GLIS1: variants seen among roughly 807,000 people sequenced by gnomAD.
The protein encoded by GLIS1 is zinc finger protein GLIS1.
GLIS1 carries 24 observed loss-of-function variants against 63.8 expected under a neutral mutation model. That is an observed-to-expected ratio of 0.38 (90% CI 0.27 to 0.53). The LOEUF (loss-of-function observed/expected upper bound fraction) is 0.53. Ranked by LOEUF, GLIS1 falls within the 20% of genes least tolerant of loss-of-function variation. GLIS1 has a pLI of 0.85. For missense variants in GLIS1, 1,036 were observed against 1,074.1 expected, an observed-to-expected ratio of 0.96 and a Z score of 0.50; for synonymous variants, 450 against 482.5, an observed-to-expected ratio of 0.93 and a Z score of 0.88.
At chr1:53,677,988 G>A (rs1002570044) in intron 2 of GLIS1, among the ~76,000 whole-genome samples, 2 of 152,162 alleles carry the variant, frequency 1.3e-5, no homozygotes, top group African/African-American at 4.8e-5. Context: ...ATACACCTGA[G>A]GTCCCCACCA....
chr1:53,527,151 C>T lies in GLIS1; in HGVS notation c.1483-2264G>A, dbSNP rs367742321. Among the ~76,000 whole-genome samples the T allele has an allele frequency of 3.0e-4, 46 of 152,372 alleles. No homozygotes were observed. The East Asian group carries it at 4.2e-3, about 14-fold the overall frequency. On this transcript the variant is annotated intron_variant, in intron 5 of 10. Coordinates refer to ENST00000628545, the MANE Select transcript of GLIS1 (RefSeq NM_001367484.1). Reference sequence around the variant, plus strand: ...CTACATTTTGCCCAAGATCCCACAGCGGGGAGAGGGAGGGAGCGTGTGCAG... The same window carrying T: ...CTACATTTTGCCCAAGATCCCACAGTGGGGAGAGGGAGGGAGCGTGTGCAG...
In GLIS1 at chr1:53,514,728, G is replaced by A. The variant is rs772958990; in HGVS notation, c.1780C>T (p.Pro594Ser). The A allele has an allele frequency of 8.1e-6, 13 of 1,612,290 alleles. No individual in the cohort carries two copies. The African/African-American group carries it at 1.5e-4, about 18-fold the overall frequency. The part of the protein sequence containing the change: ...PHNGLASGLL[P>S]PAHDVPSRHH... ...CTGGAAGGTACGTCGTGCGCTGGGG[G>A]CAGGAGGCCCGATGCAAGTCCGTTA... The change falls in exon 8 of 11, where the codon CCC (proline) becomes TCC (serine). Residue 594 changes from proline to serine, a missense_variant. Physicochemically the swap from Pro to Ser is moderately conservative, Grantham distance 74. Coordinates refer to ENST00000628545, the MANE Select transcript of GLIS1 (RefSeq NM_001367484.1).
At chr1:53,518,764 G>T (rs1174187240) in intron 7 of GLIS1, among the ~76,000 whole-genome samples, 1 of 152,194 alleles carries the variant, frequency 6.6e-6, no homozygotes, top group Admixed American at 6.5e-5. Flanking sequence ...CGTAGTTGGG[G>T]ATTGAACGAG....
intron 2 of GLIS1, among the ~76,000 whole-genome samples, chr1:53,675,487 G>C (rs149984061): frequency 1.8e-4 from 28 of 152,306 alleles, no homozygotes; most frequent in Non-Finnish European, 2.5e-4. Context: ...CTTTGGGCAA[G>C]TCATGGCCCC....
chr1:53,720,762 T>C (rs1225739345), intron 2 of GLIS1, among the ~76,000 whole-genome samples: 1 of 152,170 alleles, frequency 6.6e-6, no homozygotes, highest in African/African-American at 2.4e-5. Context: ...TATGTACAAC[T>C]ATTATGTATC....
At chr1:53,694,782 G>A (rs964945304) in intron 2 of GLIS1, among the ~76,000 whole-genome samples, 3 of 152,152 alleles carry the variant, frequency 2.0e-5, no homozygotes, top group Non-Finnish European at 4.4e-5. Context: ...GTAAATTAAC[G>A]CTGCCTCAAA....
chr1:53,544,957 C>T (rs993596613), intron 4 of GLIS1, among the ~76,000 whole-genome samples: 3 of 152,216 alleles, frequency 2.0e-5, no homozygotes, highest in Non-Finnish European at 2.9e-5. Flanking sequence ...GTGGGGACAC[C>T]AAGGCAGCCC....
At chr1:53,631,890 C>A (rs1298264725) in intron 2 of GLIS1, among the ~76,000 whole-genome samples, 1 of 151,540 alleles carries the variant, frequency 6.6e-6, no homozygotes, top group East Asian at 1.9e-4. Context: ...AGCAAGAAGC[C>A]AGTGGGCTGG....
chr1:53,626,449 C>T (rs908286595), intron 2 of GLIS1, among the ~76,000 whole-genome samples: 1 of 152,224 alleles, frequency 6.6e-6, no homozygotes, highest in African/African-American at 2.4e-5. Context: ...TGCTACTCCC[C>T]AGCCTGCATC....
chr1:53,515,077 ATATGTGTGTG>A (rs923914741), intron 7 of GLIS1, among the ~76,000 whole-genome samples: 16 of 76,452 alleles, frequency 2.1e-4, no homozygotes, highest in African/African-American at 7.9e-4. Context: ...GTGTGTGTGT[ATATGTGTGTG>A]TGTGTGTGTG....
chr1:53,506,551 G>A lies in GLIS1; in HGVS notation c.*68C>T, dbSNP rs1644233463. 1.3e-6 allele frequency: 2 copies of A among 1,513,324 alleles called. No homozygotes were observed. The highest frequency in any genetic ancestry group is 1.7e-5 in the Admixed American group (1 of 58,884). 93.7% of individuals were successfully genotyped at this position (1,513,324 alleles called of 1,614,324 possible). ...CACTCCTGCTAGGTGCACGGAGGGT[G>A]GGAGCGACAGCAGGTGGGCGAGGTG... On this transcript the variant is annotated 3_prime_UTR_variant, in exon 11 of 11. Transcript: ENST00000628545.
chr1:53,520,607 C>T, intron 7 of GLIS1, 27 bp downstream of exon 7: 1 of 1,589,740 alleles, frequency 6.3e-7, no homozygotes, highest in Non-Finnish European at 8.6e-7. Flanking sequence ...GGGCTACGCC[C>T]CTGGCCCTGC....
chr1:53,536,163 C>T (rs527449680), intron 4 of GLIS1, among the ~76,000 whole-genome samples: 11 of 152,066 alleles, frequency 7.2e-5, no homozygotes, highest in East Asian at 1.9e-4. Context: ...CACCTTCTGT[C>T]GAGGGTGGAT....
intron 2 of GLIS1, among the ~76,000 whole-genome samples, chr1:53,608,396 G>C (rs1349795761): frequency 3.3e-5 from 5 of 152,206 alleles, no homozygotes; most frequent in African/African-American, 1.2e-4. Flanking sequence ...TTCAACATAT[G>C]AATTTGAGAG....
At chr1:53,641,592 G>C (rs1645787703) in intron 2 of GLIS1, among the ~76,000 whole-genome samples, 1 of 152,190 alleles carries the variant, frequency 6.6e-6, no homozygotes, top group South Asian at 2.1e-4. Context: ...GAAAAACTCT[G>C]GCCCGTGGGT....
At chr1:53,555,273 A>G (rs1644806900) in intron 4 of GLIS1, among the ~76,000 whole-genome samples, 1 of 152,182 alleles carries the variant, frequency 6.6e-6, no homozygotes, top group South Asian at 2.1e-4. Context: ...ATAAGAGCAT[A>G]ATTGCCTAGC....
chr1:53,535,996 G>A (rs1031450234), intron 4 of GLIS1, among the ~76,000 whole-genome samples: 4 of 152,024 alleles, frequency 2.6e-5, no homozygotes, highest in African/African-American at 9.7e-5. Context: ...TGGCCTCCAC[G>A]CTTCCCGACC....
At position 53,511,758 on chromosome 1, in the gene GLIS1, A is replaced by C. The variant is rs889453290; in HGVS notation, c.1884-1731T>G. Among the ~76,000 whole-genome samples the C allele has an allele frequency of 3.3e-5, 5 of 152,210 alleles. No homozygotes were observed. The highest frequency in any genetic ancestry group is 1.2e-4 in the African/African-American group (5 of 41,448). ...GCACGAGCTGTGTGTTCTCATGACCAGTTCTGGCTGAAGCTGGGCTGGGGC... is the reference window on the plus strand; with the variant it reads ...GCACGAGCTGTGTGTTCTCATGACCCGTTCTGGCTGAAGCTGGGCTGGGGC... On this transcript the variant is annotated intron_variant, in intron 8 of 10. Transcript: ENST00000628545. This position sits in a 1 kb window ranked among gnomAD's most constrained non-coding sequence, Gnocchi z 4.2.
At chr1:53,516,764 G>T (rs1644356955) in intron 7 of GLIS1, among the ~76,000 whole-genome samples, 1 of 151,388 alleles carries the variant, frequency 6.6e-6, no homozygotes, top group South Asian at 2.1e-4. Context: ...AGTGAGCCGA[G>T]ATGGTGCCAC....
Sources: allele counts gnomAD v4.1 joint callset (sites outside exome capture counted in the v4.1 genomes callset), GRCh38; gene constraint gnomAD v4.1.1; non-coding constraint Gnocchi (gnomAD v3.1); transcripts MANE v1.5; gene names NCBI Gene and HGNC (gene_info 2026-07-23, HGNC 2026-07-21).